FAR2: variants seen among roughly 807,000 people sequenced by gnomAD.
FAR2 encodes the protein epididymis secretory protein Li 81.
In FAR2, 19 loss-of-function variants were observed where a neutral mutation model predicts 56.0. The ratio of observed to expected loss-of-function variants is 0.34; its 90% CI spans 0.24 to 0.50. FAR2 has a LOEUF of 0.50. Among genes scored for constraint, FAR2 ranks in the 20% least tolerant of loss-of-function variants. The pLI, the probability that FAR2 is intolerant of heterozygous loss-of-function variation, is 0.98. For synonymous variants in FAR2, 219 were observed against 218.8 expected (o/e 1.00, Z -0.01); for missense variants, 508 against 642.2 (o/e 0.79, Z 2.26).
chr12:29,318,762 C>T (rs1385636095), intron 9 of FAR2, among the ~76,000 whole-genome samples: 3 of 151,982 alleles, frequency 2.0e-5, no homozygotes, highest in African/African-American at 4.8e-5. Flanking sequence ...TCATTCTGCC[C>T]GGTGTTGTCT....
chr12:29,317,064 G>A (rs764479764), intron 9 of FAR2, 52 bp downstream of exon 9: 3 of 1,540,324 alleles, frequency 1.9e-6, no homozygotes, highest in Non-Finnish European at 1.7e-6. Flanking sequence ...GGAGATTAAG[G>A]CCCCAAAATC....
At chr12:29,183,716 A>G (rs1950012677) in intron 1 of FAR2, among the ~76,000 whole-genome samples, 1 of 152,238 alleles carries the variant, frequency 6.6e-6, no homozygotes, top group African/African-American at 2.4e-5. Context: ...TTATGTTCGT[A>G]CTGAAGATAA....
chr12:29,296,305 C>A (rs960958730), intron 3 of FAR2, among the ~76,000 whole-genome samples: 1 of 152,158 alleles, frequency 6.6e-6, no homozygotes. Flanking sequence ...CTACCACTGA[C>A]GTTACAAGCA....
chr12:29,225,208 T>G (rs1289355641), intron 1 of FAR2, among the ~76,000 whole-genome samples: 2 of 152,168 alleles, frequency 1.3e-5, no homozygotes, highest in Non-Finnish European at 2.9e-5. Flanking sequence ...TGTACTCCAA[T>G]CTGGGTGGCA....
At position 29,168,679 on chromosome 12, in the gene FAR2, G is replaced by T. The variant is rs12310732; in HGVS notation, c.-39+19272G>T. 3.3e-5 allele frequency among the ~76,000 whole-genome samples: 5 copies of T among 152,130 alleles called. No individual in the cohort carries two copies. The East Asian group carries it at 9.7e-4, about 29-fold the overall frequency. The stretch of plus-strand genomic sequence containing the variant: ...AGAGTTTCTTCCTTTTGGTGGGTTT[G>T]TGGTCTCGCTGACTTCAAGAATGAA... On this transcript the variant is annotated intron_variant, in intron 1 of 11. Coordinates refer to ENST00000536681, the MANE Select transcript of FAR2 (RefSeq NM_001271783.2).
intron 1 of FAR2, among the ~76,000 whole-genome samples, chr12:29,259,525 G>A (rs933140494): frequency 6.6e-6 from 1 of 152,158 alleles, no homozygotes; most frequent in African/African-American, 2.4e-5. Flanking sequence ...AAAGAATAAA[G>A]TTCCCATATG....
intron 2 of FAR2, among the ~76,000 whole-genome samples, chr12:29,286,775 C>A (rs1948882754): frequency 6.6e-6 from 1 of 151,948 alleles, no homozygotes. Context: ...ATGCTTAAAT[C>A]TCTGAGGTCA....
At chr12:29,180,552 A>T (rs971170686) in intron 1 of FAR2, among the ~76,000 whole-genome samples, 1 of 152,210 alleles carries the variant, frequency 6.6e-6, no homozygotes, top group Admixed American at 6.5e-5. Flanking sequence ...TTAGAAAGAT[A>T]TGATCCCTTC....
At chr12:29,169,271 G>C (rs1949863036) in intron 1 of FAR2, among the ~76,000 whole-genome samples, 1 of 152,182 alleles carries the variant, frequency 6.6e-6, no homozygotes, top group Non-Finnish European at 1.5e-5. Flanking sequence ...TGCAGTTGTA[G>C]TGTCCTCCAG....
intron 2 of FAR2, chr12:29,291,359 G>A (rs1948963899): frequency 4.4e-6 from 2 of 456,010 alleles, no homozygotes; most frequent in Non-Finnish European, 4.4e-6. Context: ...CAGGGTCTCT[G>A]AGGGTGGAAT....
chr12:29,270,506 A>G lies in FAR2; in HGVS notation c.57A>G (p.Thr19=). The G allele has an allele frequency of 6.2e-7, 1 of 1,612,760 alleles. No homozygotes were observed. The highest frequency in any genetic ancestry group is 8.5e-7 in the Non-Finnish European group (1 of 1,178,982). ...AGTCCATTCTCATCACGGGGGCCAC[A>G]GGCTTTCTGGGCAAAGTGCTGATGG... The part of the protein sequence containing the change: ...GGKSILITGA[T]GFLGKVLMEK... The change falls in exon 2 of 12, where the codon ACA becomes ACG. Residue 19 remains threonine (T), a synonymous_variant. Coordinates refer to ENST00000536681, the MANE Select transcript of FAR2 (RefSeq NM_001271783.2).
intron 4 of FAR2, among the ~76,000 whole-genome samples, chr12:29,298,293 TG>T (rs1205067106): frequency 1.2e-5 from 1 of 80,132 alleles, no homozygotes; most frequent in African/African-American, 1.1e-4. Flanking sequence ...AAGTTTACCT[TG>T]TTTTTTTTTT....
At chr12:29,253,719 A>C (rs1196724950) in intron 1 of FAR2, among the ~76,000 whole-genome samples, 18 of 152,132 alleles carry the variant, frequency 1.2e-4, no homozygotes, top group Admixed American at 1.2e-3. Flanking sequence ...GTGGTTCTCA[A>C]TATCATTTTA....
chr12:29,212,826 G>T (rs992747178), intron 1 of FAR2, among the ~76,000 whole-genome samples: 5 of 152,198 alleles, frequency 3.3e-5, no homozygotes, highest in Non-Finnish European at 5.9e-5. Flanking sequence ...AGCCAAACTT[G>T]GGTTTGAATT....
At chr12:29,206,814 T>A (rs1216927672) in intron 1 of FAR2, among the ~76,000 whole-genome samples, 1 of 152,150 alleles carries the variant, frequency 6.6e-6, no homozygotes, top group Non-Finnish European at 1.5e-5. Flanking sequence ...CAGAGTAGCG[T>A]GGGCAGGCAT....
intron 9 of FAR2, among the ~76,000 whole-genome samples, chr12:29,320,542 A>G (rs536758710): frequency 6.6e-6 from 1 of 152,346 alleles, no homozygotes; most frequent in East Asian, 1.9e-4. Flanking sequence ...GTAAGACCAA[A>G]TCCCCACAAT....
intron 1 of FAR2, among the ~76,000 whole-genome samples, chr12:29,199,809 G>C (rs952543726): frequency 7.9e-5 from 12 of 152,130 alleles, no homozygotes; most frequent in African/African-American, 2.9e-4. Flanking sequence ...TCTTATGTGA[G>C]GAGTAAGTGA....
intron 11 of FAR2, 130 bp downstream of exon 11, chr12:29,332,857 A>G: frequency 2.3e-6 from 2 of 851,868 alleles, no homozygotes; most frequent in Non-Finnish European, 3.8e-6. Flanking sequence ...CCTGCACTCC[A>G]TACTCTACCC....
At chr12:29,297,262 T>G in intron 4 of FAR2, 62 bp downstream of exon 4, 1 of 1,459,346 alleles carries the variant, frequency 6.9e-7, no homozygotes, top group Non-Finnish European at 9.3e-7. Flanking sequence ...TTCTCTTTGA[T>G]TCTTTGTAGC....
Sources: gnomAD v4.1 joint callset for allele counts (sites outside exome capture counted in the v4.1 genomes callset) on GRCh38, gnomAD v4.1.1 for gene constraint, MANE v1.5 for transcripts, NCBI Gene and HGNC (gene_info 2026-07-23, HGNC 2026-07-21) for gene names.